The following ZNRF3 variants were observed in gnomAD, a reference collection of about 807,000 sequenced individuals.
ZNRF3 encodes the protein zinc and ring finger 3, also known as E3 ubiquitin-protein ligase ZNRF3.
ZNRF3 carries 23 observed loss-of-function variants against 72.5 expected under a neutral mutation model. The observed-to-expected ratio is 0.32, with a 90% CI of 0.23 to 0.45. The LOEUF is 0.45. Among genes scored for constraint, ZNRF3 ranks in the 20% least tolerant of loss-of-function variants. The pLI, the probability that ZNRF3 is intolerant of heterozygous loss-of-function variation, is 1.00. For synonymous variants in ZNRF3, 610 were observed against 545.3 expected (o/e 1.12, Z -1.65); for missense variants, 1,169 against 1,272.1 (o/e 0.92, Z 1.23).
At chr22:28,956,011 G>A (rs1299895974) in intron 1 of ZNRF3, among the ~76,000 whole-genome samples, 1 of 152,150 alleles carries the variant, frequency 6.6e-6, no homozygotes, top group Admixed American at 6.5e-5. Flanking sequence ...TGGGGGTGCG[G>A]AGGATTATCC....
chr22:29,007,752 C>CTTTTTTTTTTTTTTTTT (rs943507617), intron 2 of ZNRF3, among the ~76,000 whole-genome samples: 1 of 43,674 alleles, frequency 2.3e-5, no homozygotes. Context: ...CCATTTCTTC[C>CTTTTTTTTTTTTTTTTT]TTTTTTTTTT....
chr22:28,947,644 T>G (rs531288665), intron 1 of ZNRF3, among the ~76,000 whole-genome samples: 1 of 152,330 alleles, frequency 6.6e-6, no homozygotes, highest in East Asian at 1.9e-4. Context: ...ATGTACTTAT[T>G]GGCCATTCAT....
In ZNRF3 at chr22:28,906,025, G is replaced by A. The variant is rs114856569; in HGVS notation, c.300+21959G>A. Among the ~76,000 whole-genome samples the A allele has an allele frequency of 3.0e-3, 456 of 152,286 alleles. 3 individuals carry two copies. Among genetic ancestry groups the A allele is most frequent in the African/African-American group, 0.01 (426 of 41,550 alleles). On this transcript the variant is annotated intron_variant, in intron 1 of 8. Transcript: ENST00000544604. ...AATGGCAGTCTGCTAACCTCTTAGA[G>A]CTAAAAAAGCCTGTTGAGGCTAAGC...
In ZNRF3 at chr22:29,050,323, C is replaced by T. The variant is rs878924286; in HGVS notation, c.2142C>T (p.Cys714=). ...AGTTGCCGTCGTGTGCCTGCTGCTG[C>T]GAGCCCCAGCCCTCCCCAGCCGGGC... ...GHELPSCACC[C]EPQPSPAGPS... Residue 714 remains cysteine (C), a synonymous_variant, in exon 8 of 9, where the codon TGC becomes TGT. Coordinates refer to ENST00000544604, the MANE Select transcript of ZNRF3 (RefSeq NM_001206998.2). The T allele has an allele frequency of 9.4e-6, 15 of 1,599,760 alleles. No individual in the cohort carries two copies. Among genetic ancestry groups the T allele is most frequent in the East Asian group, 2.2e-5 (1 of 44,754 alleles).
chr22:29,003,751 G>T (rs541306730), intron 2 of ZNRF3, among the ~76,000 whole-genome samples: 1 of 152,172 alleles, frequency 6.6e-6, no homozygotes, highest in East Asian at 1.9e-4. Flanking sequence ...GGAGCGGGAG[G>T]CTTGAGCCTG....
chr22:28,916,726 G>A (rs981771052), intron 1 of ZNRF3, among the ~76,000 whole-genome samples: 2 of 152,112 alleles, frequency 1.3e-5, no homozygotes, highest in African/African-American at 2.4e-5. Flanking sequence ...GATTATTCTG[G>A]CCGCTGTCCC....
chr22:28,905,481 GA>G (rs1474865835), intron 1 of ZNRF3, among the ~76,000 whole-genome samples: 2 of 152,076 alleles, frequency 1.3e-5, no homozygotes, highest in Non-Finnish European at 2.9e-5. Flanking sequence ...TCAGGGATGG[GA>G]AAAACAGGGC....
chr22:28,976,499 C>T (rs1259682842), intron 1 of ZNRF3, among the ~76,000 whole-genome samples: 1 of 152,102 alleles, frequency 6.6e-6, no homozygotes, highest in Non-Finnish European at 1.5e-5. Context: ...AAGTGAGACC[C>T]CTGTCTGAAT....
chr22:28,954,620 A>G (rs947910792), intron 1 of ZNRF3, among the ~76,000 whole-genome samples: 4 of 152,040 alleles, frequency 2.6e-5, no homozygotes, highest in African/African-American at 4.8e-5. Context: ...TTGTTTTTGT[A>G]TATCATCTCT....
intron 1 of ZNRF3, among the ~76,000 whole-genome samples, chr22:28,969,284 C>T (rs889489293): frequency 2.6e-5 from 4 of 152,178 alleles, no homozygotes; most frequent in Non-Finnish European, 4.4e-5. Context: ...CAGCATTCAT[C>T]TTTGCTTTAT....
At chr22:29,039,179 C>A (rs1286408279) in intron 2 of ZNRF3, among the ~76,000 whole-genome samples, 1 of 152,178 alleles carries the variant, frequency 6.6e-6, no homozygotes, top group African/African-American at 2.4e-5. Flanking sequence ...CATGCTTCAT[C>A]CGGAACCTCT....
At chr22:29,007,752 C>CT (rs943507617) in intron 2 of ZNRF3, among the ~76,000 whole-genome samples, 1,123 of 43,654 alleles carry the variant, frequency 0.026, 26 homozygotes, top group East Asian at 0.047. Flanking sequence ...CCATTTCTTC[C>CT]TTTTTTTTTT....
Position 29,030,617 on chromosome 22 carries a change from C to A in ZNRF3, c.427-11878C>A, listed in dbSNP as rs1300932940. 6.6e-6 allele frequency among the ~76,000 whole-genome samples: 1 copy of A among 151,194 alleles called. No individual in the cohort carries two copies. Among genetic ancestry groups the A allele is most frequent in the Non-Finnish European group, 1.5e-5 (1 of 67,888 alleles). On this transcript the variant is annotated intron_variant, in intron 2 of 8. Transcript: ENST00000544604. This position sits in a 1 kb window ranked among gnomAD's most constrained non-coding sequence, Gnocchi z 4.2. ...AATATCTTCTCCCGGTGGGGAGGGG[C>A]GCGGCCGGTGGCGAGGAGGGCACTT...
intron 1 of ZNRF3, among the ~76,000 whole-genome samples, chr22:28,914,688 C>A (rs887798816): frequency 1.3e-5 from 2 of 151,598 alleles, no homozygotes; most frequent in Admixed American, 1.3e-4. Context: ...GTGGTGCATG[C>A]CTATATTGTC....
At position 29,056,913 on chromosome 22, in the gene ZNRF3, T is replaced by G. The variant is rs1437021174; in HGVS notation, c.*3291T>G. The G allele has an allele frequency of 6.6e-6, 1 of 152,246 alleles. No homozygotes were observed. Among genetic ancestry groups the G allele is most frequent in the Non-Finnish European group, 1.5e-5 (1 of 68,050 alleles). 9.4% of individuals were successfully genotyped at this position (152,246 alleles called of 1,614,324 possible). A position where few individuals can be genotyped will look rare whatever the true frequency, so the allele number is the denominator to read the frequency against. ...ATGTGCTGCTAGTCTCTACTCGAAG[T>G]TCGTGCAGGACTAATGCTTTTAAAA... On this transcript the variant is annotated 3_prime_UTR_variant, in exon 9 of 9. Coordinates refer to ENST00000544604, the MANE Select transcript of ZNRF3 (RefSeq NM_001206998.2).
chr22:28,916,501 C>G (rs548919934), intron 1 of ZNRF3, among the ~76,000 whole-genome samples: 2 of 152,168 alleles, frequency 1.3e-5, no homozygotes, highest in African/African-American at 4.8e-5. Context: ...ATTCTCTTCA[C>G]TTTTGGAAAT....
intron 1 of ZNRF3, among the ~76,000 whole-genome samples, chr22:28,955,226 A>T (rs1199576225): frequency 6.6e-6 from 1 of 151,176 alleles, no homozygotes; most frequent in Non-Finnish European, 1.5e-5. Context: ...AATGTTTTGT[A>T]GCGATGGAGT....
At chr22:29,035,441 G>T (rs938093702) in intron 2 of ZNRF3, among the ~76,000 whole-genome samples, 4 of 152,216 alleles carry the variant, frequency 2.6e-5, no homozygotes, top group Non-Finnish European at 4.4e-5. Flanking sequence ...ACAATGGAAT[G>T]ATATGTGTAG....
At chr22:28,997,070 C>T (rs755618856) in intron 2 of ZNRF3, among the ~76,000 whole-genome samples, 9 of 152,098 alleles carry the variant, frequency 5.9e-5, no homozygotes, top group Non-Finnish European at 1.2e-4. Context: ...ACGGTTGGGC[C>T]GGAATCCTTG....
Sources: gnomAD v4.1 joint callset for allele counts (sites outside exome capture counted in the v4.1 genomes callset) on GRCh38, gnomAD v4.1.1 for gene constraint, Gnocchi (gnomAD v3.1) non-coding constraint, MANE v1.5 for transcripts, NCBI Gene and HGNC (gene_info 2026-07-23, HGNC 2026-07-21) for gene names.